TCF7L2: variants seen among roughly 807,000 people sequenced by gnomAD.
TCF7L2 encodes the protein transcription factor 7 like 2.
TCF7L2 carries 23 observed loss-of-function variants against 77.9 expected under a neutral mutation model. The observed-to-expected ratio is 0.30, with a 90% CI of 0.21 to 0.42. TCF7L2 has a LOEUF of 0.42. Ranked by LOEUF, TCF7L2 falls within the 10% of genes least tolerant of loss-of-function variation. The pLI is 1.00. For synonymous variants in TCF7L2, 413 were observed against 340.2 expected, an observed-to-expected ratio of 1.21 and a Z score of -2.36; for missense variants, 654 against 793.1, an observed-to-expected ratio of 0.82 and a Z score of 2.11.
chr10:112,967,229 G>A (rs1291798656), intron 4 of TCF7L2, among the ~76,000 whole-genome samples: 2 of 152,182 alleles, frequency 1.3e-5, no homozygotes, highest in African/African-American at 4.8e-5. Context: ...TGTCGGGGCA[G>A]AATTATTGTC....
intron 5 of TCF7L2, among the ~76,000 whole-genome samples, chr10:113,076,164 A>G (rs989008065): frequency 8.2e-5 from 12 of 146,466 alleles, no homozygotes; most frequent in Non-Finnish European, 1.8e-4. Flanking sequence ...AAAAGACAGG[A>G]TCTTGCTCTG....
intron 4 of TCF7L2, among the ~76,000 whole-genome samples, chr10:113,015,468 G>A (rs75622189): frequency 2.4e-5 from 1 of 41,650 alleles, no homozygotes; most frequent in Non-Finnish European, 5.1e-5. Flanking sequence ...TTTTTTTTTT[G>A]AGATCAGGTT....
intron 5 of TCF7L2, among the ~76,000 whole-genome samples, chr10:113,106,196 G>A (rs780043352): frequency 6.6e-6 from 1 of 152,270 alleles, no homozygotes; most frequent in South Asian, 2.1e-4. Flanking sequence ...TGGGGTGGGT[G>A]GGTTTGTAGA....
chr10:113,128,805 G>A (rs1000133923), intron 5 of TCF7L2, among the ~76,000 whole-genome samples: 4 of 152,092 alleles, frequency 2.6e-5, no homozygotes, highest in African/African-American at 4.8e-5. Flanking sequence ...TGTGATGTCT[G>A]AGTGTCTCAA....
chr10:112,954,311 T>C (rs1449668485), intron 3 of TCF7L2, among the ~76,000 whole-genome samples: 1 of 152,224 alleles, frequency 6.6e-6, no homozygotes, highest in Non-Finnish European at 1.5e-5. Flanking sequence ...TGTAAGCAGC[T>C]GCATCCTTTA....
At chr10:112,993,926 A>G (rs2043031595) in intron 4 of TCF7L2, among the ~76,000 whole-genome samples, 1 of 152,038 alleles carries the variant, frequency 6.6e-6, no homozygotes, top group African/African-American at 2.4e-5. Context: ...GTGGTGGCGC[A>G]TGCCTGTAGA....
chr10:113,136,152 C>A (rs529856734), intron 5 of TCF7L2, among the ~76,000 whole-genome samples: 1 of 152,096 alleles, frequency 6.6e-6, no homozygotes, highest in African/African-American at 2.4e-5. Flanking sequence ...TAACAAATGC[C>A]GACTACTTCA....
intron 5 of TCF7L2, among the ~76,000 whole-genome samples, chr10:113,127,668 G>A (rs1192118679): frequency 1.3e-5 from 2 of 151,862 alleles, no homozygotes; most frequent in Non-Finnish European, 2.9e-5. Context: ...TTTTTTGTGG[G>A]AATGTTCTAA....
intron 4 of TCF7L2, among the ~76,000 whole-genome samples, chr10:112,965,254 T>C (rs994501085): frequency 6.6e-6 from 1 of 152,230 alleles, no homozygotes; most frequent in Non-Finnish European, 1.5e-5. Context: ...TCCTGTTTCC[T>C]GCTCACGTAG....
chr10:113,088,062 T>C (rs953129409), intron 5 of TCF7L2, among the ~76,000 whole-genome samples: 4 of 152,154 alleles, frequency 2.6e-5, no homozygotes, highest in Admixed American at 6.5e-5. Flanking sequence ...CTGAACAAAT[T>C]ACATGAAAAA....
chr10:113,052,995 G>C (rs972516469), intron 5 of TCF7L2, among the ~76,000 whole-genome samples: 1 of 151,774 alleles, frequency 6.6e-6, no homozygotes, highest in African/African-American at 2.4e-5. Context: ...TCTTTTTTTG[G>C]TGCAAACCCA....
chr10:113,096,436 G>A (rs142689393), intron 5 of TCF7L2, among the ~76,000 whole-genome samples: 1 of 152,194 alleles, frequency 6.6e-6, no homozygotes, highest in East Asian at 1.9e-4. Flanking sequence ...TTATTGGAAA[G>A]GTATTTATTG....
chr10:112,962,753 C>T (rs976731779), intron 3 of TCF7L2, among the ~76,000 whole-genome samples: 2 of 152,178 alleles, frequency 1.3e-5, no homozygotes, highest in African/African-American at 4.8e-5. Context: ...CGCCCGCCAC[C>T]ACGCCTGGCT....
At chr10:113,021,430 T>C (rs1264676007) in intron 4 of TCF7L2, among the ~76,000 whole-genome samples, 2 of 152,198 alleles carry the variant, frequency 1.3e-5, no homozygotes, top group African/African-American at 2.4e-5. Flanking sequence ...TTCCTGACAT[T>C]ATTGCCCAAA....
intron 5 of TCF7L2, among the ~76,000 whole-genome samples, chr10:113,061,714 G>A (rs1478307283): frequency 1.3e-5 from 2 of 152,168 alleles, no homozygotes; most frequent in African/African-American, 4.8e-5. Context: ...CCCTCTGACG[G>A]TTATTGATCC....
At chr10:113,143,876 T>C (rs1411172404) in intron 6 of TCF7L2, 47 bp from the exon 7 acceptor site, 24 of 1,490,178 alleles carry the variant, frequency 1.6e-5, no homozygotes, top group Non-Finnish European at 2.0e-5. Flanking sequence ...GGATTGCTCT[T>C]TCCTTCTCTC....
rs1355159762 is a variant in TCF7L2 at position 113,167,518 on chromosome 10, T to A, written c.*1546T>A. On this transcript the variant is annotated 3_prime_UTR_variant, in exon 14 of 14. Coordinates refer to ENST00000627217, the MANE Select transcript of TCF7L2 (RefSeq NM_001146274.2). ...ATTTTTTGTGAATACTTTGAATGTT[T>A]CCTAACAGTTGTGATGTTACTGTTC... 4.6e-6 allele frequency: 1 copy of A among 217,902 alleles called. No homozygotes were observed. Among genetic ancestry groups the A allele is most frequent in the Non-Finnish European group, 9.2e-6 (1 of 108,622 alleles). 13.5% of individuals were successfully genotyped at this position (217,902 alleles called of 1,614,324 possible).
rs1181251391 is a variant in TCF7L2, at chr10:113,151,856, C to T, written c.1133C>T (p.Ala378Val). 6.2e-7 allele frequency: 1 copy of T among 1,610,582 alleles called. No homozygotes were observed. Among genetic ancestry groups the T allele is most frequent in the Non-Finnish European group, 8.5e-7 (1 of 1,179,042 alleles). The change falls in exon 10 of 14, where the codon GCG becomes GTG. Residue 378 changes from alanine (A) to valine (V), a missense_variant. This residue lies in a region of TCF7L2 where 31 missense variants were observed against 116.1 expected (regional missense o/e 0.27). Coordinates refer to ENST00000627217, the MANE Select transcript of TCF7L2 (RefSeq NM_001146274.2). The surrounding 1 kb of genome is among the most constrained non-coding windows in gnomAD (Gnocchi z 5.2). The stretch of plus-strand genomic sequence containing the variant: ...GCTGAGTGCACGTTGAAAGAAAGCG[C>T]GGCCATCAACCAGATCCTTGGGCGG...
chr10:112,998,387 G>A (rs2043880701), intron 4 of TCF7L2, among the ~76,000 whole-genome samples: 1 of 152,166 alleles, frequency 6.6e-6, no homozygotes, highest in African/African-American at 2.4e-5. Context: ...TTATTGGAGG[G>A]TTGCACATGT....
Sources: gnomAD v4.1 joint callset for allele counts (sites outside exome capture counted in the v4.1 genomes callset) on GRCh38, gnomAD v4.1.1 for gene constraint, gnomAD v4.1.1 regional missense constraint, Gnocchi (gnomAD v3.1) non-coding constraint, MANE v1.5 for transcripts, NCBI Gene and HGNC (gene_info 2026-07-23, HGNC 2026-07-21) for gene names.